Variants in SIL1 observed in about 807,000 individuals in gnomAD.
SIL1 encodes the protein nucleotide exchange factor SIL1.
Under a neutral mutation model 49.1 loss-of-function variants are expected in SIL1, and 40 were observed. The ratio of observed to expected loss-of-function variants is 0.81; its 90% CI spans 0.63 to 1.06. The LOEUF (loss-of-function observed/expected upper bound fraction) is 1.06. Ranked by LOEUF, SIL1 falls within the 50% of genes least tolerant of loss-of-function variation. The pLI is 0.00. For synonymous variants in SIL1, 253 were observed against 250.8 expected (o/e 1.01, Z -0.08); for missense variants, 500 against 572.6 (o/e 0.87, Z 1.29).
chr5:139,050,302 T>A (rs1769258492), intron 4 of SIL1, among the ~76,000 whole-genome samples: 1 of 152,118 alleles, frequency 6.6e-6, no homozygotes, highest in African/African-American at 2.4e-5. Context: ...ACTCCATGCC[T>A]CAACCTCCTT....
intron 7 of SIL1, among the ~76,000 whole-genome samples, chr5:138,985,695 G>C (rs904656434): frequency 2.0e-5 from 3 of 152,116 alleles, no homozygotes; most frequent in African/African-American, 4.8e-5. Flanking sequence ...TCTGACTGTC[G>C]ACCCAAGACT....
At chr5:138,990,624 C>T (rs1767735624) in intron 7 of SIL1, among the ~76,000 whole-genome samples, 1 of 152,078 alleles carries the variant, frequency 6.6e-6, no homozygotes, top group African/African-American at 2.4e-5. Flanking sequence ...GATGGGATCT[C>T]ACTATTTTGT....
In SIL1 at chr5:138,996,824, G is replaced by T. The variant is rs183502516; in HGVS notation, c.767+24347C>A. 3.9e-5 allele frequency among the ~76,000 whole-genome samples: 6 copies of T among 152,154 alleles called. No individual in the cohort carries two copies. The East Asian group carries it at 1.2e-3, about 29-fold the overall frequency. On this transcript the variant is annotated intron_variant, in intron 7 of 9. Coordinates refer to ENST00000394817, the MANE Select transcript of SIL1 (RefSeq NM_022464.5). Reference sequence around the variant, plus strand: ...TGAGCCACCATGCCCAGCCTGTGCAGATTTTTAGCTTGATGTAATCTCTTT... The same window carrying T: ...TGAGCCACCATGCCCAGCCTGTGCATATTTTTAGCTTGATGTAATCTCTTT...
intron 5 of SIL1, chr5:139,035,197 T>A: frequency 2.4e-6 from 1 of 421,540 alleles, no homozygotes; most frequent in Admixed American, 2.7e-5. Context: ...ATCTATGATG[T>A]CATGAGGTGA....
intron 3 of SIL1, among the ~76,000 whole-genome samples, chr5:139,091,347 CTT>C (rs1770338686): frequency 6.6e-6 from 1 of 151,868 alleles, no homozygotes; most frequent in African/African-American, 2.4e-5. Context: ...ATATAAAAAA[CTT>C]TTAAAAAATA....
intron 5 of SIL1, among the ~76,000 whole-genome samples, chr5:139,028,172 T>C (rs932275435): frequency 6.6e-6 from 1 of 151,094 alleles, no homozygotes; most frequent in African/African-American, 2.4e-5. Flanking sequence ...ACAAAAACGA[T>C]GTGTGCCTGG....
intron 1 of SIL1, among the ~76,000 whole-genome samples, chr5:139,137,671 C>A: frequency 8.4e-6 from 1 of 119,068 alleles, no homozygotes; most frequent in African/African-American, 3.1e-5. Flanking sequence ...CTAATGCTAT[C>A]CCTCCCCCCT....
At chr5:139,167,207 G>A (rs1014448581) in intron 1 of SIL1, among the ~76,000 whole-genome samples, 1 of 151,918 alleles carries the variant, frequency 6.6e-6, no homozygotes, top group Middle Eastern at 3.2e-3. Flanking sequence ...CCCACCCCCC[G>A]CCTCAGCCTC....
At chr5:139,162,504 C>T (rs1241750257) in intron 1 of SIL1, among the ~76,000 whole-genome samples, 1 of 152,032 alleles carries the variant, frequency 6.6e-6, no homozygotes, top group Admixed American at 6.6e-5. Flanking sequence ...CCACATAAAA[C>T]GAAGGAAGGG....
intron 1 of SIL1, among the ~76,000 whole-genome samples, chr5:139,135,497 C>T (rs1176396131): frequency 6.6e-6 from 1 of 152,134 alleles, no homozygotes; most frequent in Non-Finnish European, 1.5e-5. Context: ...TTAGCCCTGC[C>T]AGAGGGCACA....
chr5:139,186,946 T>C (rs542580591), intron 1 of SIL1, among the ~76,000 whole-genome samples: 2 of 152,214 alleles, frequency 1.3e-5, no homozygotes, highest in Non-Finnish European at 2.9e-5. Context: ...AATCAAGAAA[T>C]GCTTCAGGGA....
chr5:139,174,207 T>G (rs1429609654), intron 1 of SIL1, among the ~76,000 whole-genome samples: 2 of 152,028 alleles, frequency 1.3e-5, no homozygotes, highest in Non-Finnish European at 2.9e-5. Context: ...TAGATGGACT[T>G]TTTTAAAACA....
At chr5:139,173,411 G>T (rs982953013) in intron 1 of SIL1, among the ~76,000 whole-genome samples, 2 of 151,566 alleles carry the variant, frequency 1.3e-5, no homozygotes, top group East Asian at 2.0e-4. Context: ...TTAGTTGGGG[G>T]TGATGACAGG....
intron 1 of SIL1, among the ~76,000 whole-genome samples, chr5:139,183,084 A>T (rs1215943026): frequency 6.6e-6 from 1 of 152,104 alleles, no homozygotes; most frequent in Non-Finnish European, 1.5e-5. Context: ...ACCTGGATGA[A>T]CTAACTAAGT....
intron 3 of SIL1, among the ~76,000 whole-genome samples, chr5:139,057,108 G>C (rs1264597208): frequency 6.6e-6 from 1 of 151,554 alleles, no homozygotes; most frequent in African/African-American, 2.4e-5. Context: ...TTAAACAGAT[G>C]CTTGAAGGCA....
At chr5:138,955,420 G>T (rs901823121) in intron 7 of SIL1, among the ~76,000 whole-genome samples, 1 of 152,204 alleles carries the variant, frequency 6.6e-6, no homozygotes, top group Non-Finnish European at 1.5e-5. Context: ...AGATGGGCTG[G>T]GGGTGGGGCA....
chr5:139,072,315 G>T (rs1030414501), intron 3 of SIL1, among the ~76,000 whole-genome samples: 3 of 152,054 alleles, frequency 2.0e-5, no homozygotes, highest in Admixed American at 6.6e-5. Flanking sequence ...ATTCAAACAC[G>T]TACTAACACA....
At chr5:139,144,022 G>T (rs1751144799) in intron 1 of SIL1, among the ~76,000 whole-genome samples, 1 of 152,194 alleles carries the variant, frequency 6.6e-6, no homozygotes, top group African/African-American at 2.4e-5. Context: ...TTGCTAAAAT[G>T]ATAGTATTAC....
intron 7 of SIL1, among the ~76,000 whole-genome samples, chr5:138,965,557 C>G (rs1767119746): frequency 1.3e-5 from 2 of 151,956 alleles, no homozygotes; most frequent in Admixed American, 1.3e-4. Flanking sequence ...TATGGTCACT[C>G]TCTGTATAAA....
Sources: allele counts gnomAD v4.1 joint callset (sites outside exome capture counted in the v4.1 genomes callset), GRCh38; gene constraint gnomAD v4.1.1; transcripts MANE v1.5; gene names NCBI Gene and HGNC (gene_info 2026-07-23, HGNC 2026-07-21).